Variants in CCDC191 observed in about 807,000 individuals in gnomAD.
The protein encoded by CCDC191 is coiled-coil domain-containing protein 191.
Under a neutral mutation model 114.0 loss-of-function variants are expected in CCDC191, and 99 were observed. The ratio of observed to expected loss-of-function variants is 0.87; its 90% CI spans 0.74 to 1.03. The LOEUF is 1.03. Ranked by LOEUF, CCDC191 falls within the 50% of genes least tolerant of loss-of-function variation. The pLI is 0.00. For synonymous variants in CCDC191, 351 were observed against 376.0 expected (o/e 0.93, Z 0.77); for missense variants, 973 against 1,087.0 (o/e 0.90, Z 1.47).
At chr3:114,056,586 C>T (rs894143988), upstream of CCDC191, 4 of 1,591,800 alleles carry the variant, frequency 2.5e-6, no homozygotes, top group African/African-American at 5.3e-5. Flanking sequence ...AGGCATAGGA[C>T]ACCGTCGAAC....
chr3:114,038,294 TAAC>T (rs1425770513), intron 4 of CCDC191, among the ~76,000 whole-genome samples: 3 of 152,182 alleles, frequency 2.0e-5, no homozygotes, highest in Non-Finnish European at 4.4e-5. Flanking sequence ...ATGTGTCAAA[TAAC>T]AACATTTCCA....
chr3:114,000,151 G>A (rs759650036), intron 13 of CCDC191, among the ~76,000 whole-genome samples: 1 of 152,198 alleles, frequency 6.6e-6, no homozygotes, highest in Non-Finnish European at 1.5e-5. Context: ...TGTCTTTAAG[G>A]ATGTCTCTCG....
intron 11 of CCDC191, 46 bp downstream of exon 11, chr3:114,004,591 G>A (rs770026672): frequency 1.5e-5 from 24 of 1,596,088 alleles, no homozygotes; most frequent in Non-Finnish European, 2.0e-5. Flanking sequence ...TTCTACTCTA[G>A]GAGAGAAGAT....
chr3:113,978,146 G>A, intron 16 of CCDC191, 40 bp downstream of exon 16: 1 of 1,607,666 alleles, frequency 6.2e-7, no homozygotes, highest in Non-Finnish European at 8.5e-7. Flanking sequence ...GAGCAATTGT[G>A]AAGTCAGAGA....
At chr3:113,978,792 A>T in intron 15 of CCDC191, 66 bp downstream of exon 15, 1 of 1,529,696 alleles carries the variant, frequency 6.5e-7, no homozygotes, top group African/African-American at 1.4e-5. Flanking sequence ...TCTGGATTTC[A>T]TTTAGTTTTC....
chr3:114,035,111 T>A lies in CCDC191; in HGVS notation c.632A>T (p.Glu211Val). ...CAGGGTCTTTTCTATTCTCTGGTAC[T>A]CCAGTTCTTTCTCACGTCTTAAGCG... ...ENRLRREKEL[E>V]YQRIEKTLKK... The change falls in exon 6 of 17, where the codon GAG (glutamate) becomes GTG (valine). Residue 211 changes from glutamate (E) to valine (V), a missense_variant. Physicochemically the swap from Glu to Val is moderately radical, Grantham distance 121. Coordinates refer to ENST00000295878, the MANE Select transcript of CCDC191 (RefSeq NM_020817.2). 1 of 1,614,030 alleles carries A rather than the reference T, an allele frequency of 6.2e-7. No homozygotes were observed. The highest frequency in any genetic ancestry group is 8.5e-7 in the Non-Finnish European group (1 of 1,179,946).
At chr3:114,008,783 G>A (rs1238084305) in intron 9 of CCDC191, among the ~76,000 whole-genome samples, 2 of 152,054 alleles carry the variant, frequency 1.3e-5, no homozygotes, top group African/African-American at 2.4e-5. Context: ...GGCATGAAGA[G>A]ACAAGTCACT....
intron 16 of CCDC191, among the ~76,000 whole-genome samples, chr3:113,966,141 A>T (rs1940138547): frequency 6.6e-6 from 1 of 152,220 alleles, no homozygotes; most frequent in Non-Finnish European, 1.5e-5. Context: ...TTGAGGCCTC[A>T]GTGCGTAGAC....
chr3:114,001,157 C>T (rs575237549), intron 13 of CCDC191, among the ~76,000 whole-genome samples: 1 of 152,136 alleles, frequency 6.6e-6, no homozygotes, highest in East Asian at 1.9e-4. Flanking sequence ...TTCATTTATT[C>T]ACTCATTAAA....
chr3:114,046,746 GA>G lies in CCDC191; in HGVS notation c.130-15del, dbSNP rs755848984. The G allele has an allele frequency of 7.8e-5, 120 of 1,535,700 alleles. No homozygotes were observed. Among genetic ancestry groups the G allele is most frequent in the Admixed American group, 1.7e-4 (8 of 48,014 alleles). On this transcript the variant is annotated splice_polypyrimidine_tract_variant and intron_variant, in intron 2 of 16. Transcript: ENST00000295878. ...TTTCTCCACTCTCTTCAATATAACA[GA>G]AAAAAAAATCCATAAAGATGACAAC...
intron 2 of CCDC191, among the ~76,000 whole-genome samples, chr3:114,052,246 T>A (rs2076707359): frequency 6.6e-6 from 1 of 151,878 alleles, no homozygotes; most frequent in African/African-American, 2.4e-5. Flanking sequence ...GTTAGAGGAA[T>A]GATAAAAGAT....
At chr3:114,033,208 C>T (rs1451705733) in intron 6 of CCDC191, among the ~76,000 whole-genome samples, 1 of 151,940 alleles carries the variant, frequency 6.6e-6, no homozygotes, top group Non-Finnish European at 1.5e-5. Context: ...GGCGATTCTC[C>T]TGCCTCAGCC....
chr3:113,984,661 T>A (rs2075289545), intron 13 of CCDC191: 1 of 152,218 alleles, frequency 6.6e-6, no homozygotes, highest in Admixed American at 6.5e-5. Context: ...AGCCAGCCTA[T>A]AAATGCACCT....
At chr3:114,041,995 T>C (rs959791285) in intron 4 of CCDC191, among the ~76,000 whole-genome samples, 2 of 151,852 alleles carry the variant, frequency 1.3e-5, no homozygotes, top group Non-Finnish European at 2.9e-5. Flanking sequence ...TTCTCTCCTC[T>C]GGAAAAAAAA....
rs9818801 is a variant in CCDC191, at chr3:114,028,300, T to A, written c.972+3326A>T. Among the ~76,000 whole-genome samples, 1,390 of 148,668 alleles carry A rather than the reference T, an allele frequency of 9.3e-3. 4 individuals are homozygous for A. Among genetic ancestry groups the A allele is most frequent in the Non-Finnish European group, 0.015 (1,016 of 67,028 alleles). On this transcript the variant is annotated intron_variant, in intron 7 of 16. Coordinates refer to ENST00000295878, the MANE Select transcript of CCDC191 (RefSeq NM_020817.2). ...ATTTTTTTTTTTTTTTTTTTTTTTT[T>A]ATCGAGACGGAGTCTCGCTCTGTCG...
intron 1 of CCDC191, among the ~76,000 whole-genome samples, chr3:114,055,930 G>A (rs2076768824): frequency 6.6e-6 from 1 of 151,188 alleles, no homozygotes; most frequent in Admixed American, 6.6e-5. Context: ...GATACTTTAC[G>A]TAAAAGTGAA....
chr3:114,030,085 T>C (rs893494639), intron 7 of CCDC191, among the ~76,000 whole-genome samples: 4 of 152,172 alleles, frequency 2.6e-5, no homozygotes, highest in African/African-American at 7.2e-5. Context: ...AATTATACTA[T>C]GCTTATGTAA....
rs764322897 is a variant in CCDC191, at chr3:114,035,095, T to G, written c.648A>C (p.Glu216Asp). 6.2e-7 allele frequency: 1 copy of G among 1,614,106 alleles called. No individual in the cohort carries two copies. Among genetic ancestry groups the G allele is most frequent in the Admixed American group, 1.7e-5 (1 of 60,006 alleles). The change falls in exon 6 of 17, where the codon GAA (glutamate) becomes GAC (aspartate). Residue 216 changes from glutamate (E) to aspartate (D), a missense_variant. Coordinates refer to ENST00000295878, the MANE Select transcript of CCDC191 (RefSeq NM_020817.2). ...AGAAGGCCGATTTTTTCAGGGTCTT[T>G]TCTATTCTCTGGTACTCCAGTTCTT... ...REKELEYQRI[E>D]KTLKKSAFLE...
chr3:114,011,052 A>G (rs1459469404), intron 8 of CCDC191, 31 bp from the exon 9 acceptor site: 1 of 1,583,786 alleles, frequency 6.3e-7, no homozygotes, highest in Admixed American at 1.8e-5. Flanking sequence ...ATTAAAATAA[A>G]GAAGCCATTT....
Sources: gnomAD v4.1 joint callset for allele counts (sites outside exome capture counted in the v4.1 genomes callset) on GRCh38, gnomAD v4.1.1 for gene constraint, MANE v1.5 for transcripts, NCBI Gene and HGNC (gene_info 2026-07-23, HGNC 2026-07-21) for gene names.